Variants in VPS16 observed in about 807,000 individuals in gnomAD.
The protein encoded by VPS16 is VPS16 core subunit of CORVET and HOPS complexes, also known as vacuolar protein sorting-associated protein 16 homolog.
A neutral mutation model predicts 116.0 loss-of-function variants in VPS16; 82 were observed. The ratio of observed to expected loss-of-function variants is 0.71; its 90% confidence interval spans 0.59 to 0.85. VPS16 has a LOEUF of 0.85. Among genes scored for constraint, VPS16 ranks in the 40% least tolerant of loss-of-function variants. The pLI is 0.00. For synonymous variants in VPS16, 406 were observed against 420.7 expected, an observed-to-expected ratio of 0.96 and a Z score of 0.43; for missense variants, 928 against 1,090.6, an observed-to-expected ratio of 0.85 and a Z score of 2.10.
At chr20:2,847,721 C>T (rs2089075433) in intron 1 of VPS16, among the ~76,000 whole-genome samples, 1 of 152,102 alleles carries the variant, frequency 6.6e-6, no homozygotes. Flanking sequence ...TCATGATCCG[C>T]CTGTCTCGGC....
chr20:2,862,919 C>A lies in VPS16; in HGVS notation c.1316C>A (p.Pro439Gln). The change falls in exon 13 of 24, where the codon CCG becomes CAG. Residue 439 changes from proline (P) to glutamine (Q), a missense_variant. By Grantham distance (76) the Pro-to-Gln change is moderately conservative (BLOSUM62 -1). Transcript: ENST00000380445. ...GTTCGGGACTATCACATCGGGATCC[C>A]GCTCACCTATAGCCAGTATCCCTGT... is the stretch of plus-strand genomic sequence containing the variant. ...NAVRDYHIGIPLTYSQYKQLT... is the reference protein window; with the variant it reads ...NAVRDYHIGIQLTYSQYKQLT... The A allele has an allele frequency of 6.2e-7, 1 of 1,614,056 alleles. No individual in the cohort carries two copies. The highest frequency in any genetic ancestry group is 8.5e-7 in the Non-Finnish European group (1 of 1,179,996).
At position 2,845,901 on chromosome 20, in the gene VPS16, A is replaced by G. The variant is rs116659166; in HGVS notation, c.53+5074A>G. Among the ~76,000 whole-genome samples, 1,330 of 152,242 alleles carry G rather than the reference A, an allele frequency of 8.7e-3. 21 individuals carry two copies. The highest frequency in any genetic ancestry group is 0.031 in the African/African-American group (1,277 of 41,526). On this transcript the variant is annotated intron_variant, in intron 1 of 23. Coordinates refer to ENST00000380445, the MANE Select transcript of VPS16 (RefSeq NM_022575.4). ...TGACTGGCTTATTTCACTTAGCATA[A>G]TATCTTCAAGATTTATCCATGTTAT...
In VPS16 at chr20:2,859,756, G is replaced by A; in HGVS notation, c.91G>A (p.Glu31Lys). Residue 31 changes from glutamate to lysine, a missense_variant, in exon 2 of 24, where the codon GAG becomes AAG. Coordinates refer to ENST00000380445, the MANE Select transcript of VPS16 (RefSeq NM_022575.4). ...GTACAGCATGGACTGGGACCTGAAGGAGGAACTCAGGGATTGCCTGGTGGC... is the reference window on the plus strand; with the variant it reads ...GTACAGCATGGACTGGGACCTGAAGAAGGAACTCAGGGATTGCCTGGTGGC... Reference protein sequence around the residue: ...ELYSMDWDLKEELRDCLVAAA... With the variant: ...ELYSMDWDLKKELRDCLVAAA... 6.2e-7 allele frequency: 1 copy of A among 1,613,230 alleles called. No homozygotes were observed. Among genetic ancestry groups the A allele is most frequent in the Non-Finnish European group, 8.5e-7 (1 of 1,179,678 alleles).
intron 8 of VPS16, 97 bp from the exon 9 acceptor site, chr20:2,861,518 T>C: frequency 7.0e-7 from 1 of 1,437,168 alleles, no homozygotes; most frequent in Non-Finnish European, 9.4e-7. Context: ...GTGATGCAAG[T>C]GTATACAGGC....
At chr20:2,841,406 G>T (rs913503754) in intron 1 of VPS16, among the ~76,000 whole-genome samples, 2 of 152,288 alleles carry the variant, frequency 1.3e-5, no homozygotes, top group African/African-American at 4.8e-5. Context: ...GAAAAACTAC[G>T]AACTTCTCGT....
chr20:2,848,115 C>T (rs1286622139), intron 1 of VPS16, among the ~76,000 whole-genome samples: 1 of 152,194 alleles, frequency 6.6e-6, no homozygotes, highest in Admixed American at 6.5e-5. Flanking sequence ...ATGAGGTTCA[C>T]GTAGCAGGCA....
At chr20:2,859,664 C>T (rs937398917) in intron 1 of VPS16, 55 bp from the exon 2 acceptor site, 1 of 1,582,896 alleles carries the variant, frequency 6.3e-7, no homozygotes, top group Non-Finnish European at 8.7e-7. Context: ...CTGGGGTTCA[C>T]TCCATACGGA....
At chr20:2,857,752 C>G (rs368248611) in intron 1 of VPS16, among the ~76,000 whole-genome samples, 16 of 150,632 alleles carry the variant, frequency 1.1e-4, no homozygotes, top group African/African-American at 3.9e-4. Flanking sequence ...CTCTTGCTCC[C>G]CAGGCTGGAG....
At chr20:2,862,417 T>C in intron 11 of VPS16, 162 bp from the exon 12 acceptor site, 1 of 1,387,222 alleles carries the variant, frequency 7.2e-7, no homozygotes. Context: ...AGATGATGTC[T>C]GTGGGCACCT....
Position 2,864,310 on chromosome 20 carries a change from C to T in VPS16, c.1720+23C>T. The T allele has an allele frequency of 1.2e-6, 2 of 1,613,898 alleles. No individual in the cohort carries two copies. The highest frequency in any genetic ancestry group is 1.7e-6 in the Non-Finnish European group (2 of 1,179,924). Reference sequence around the variant, plus strand: ...TGGGTGAGGGCAAGGCTGGGGGGCCCCTGGGCTAAGTGGGAGCCTGGCTGG... The same window carrying T: ...TGGGTGAGGGCAAGGCTGGGGGGCCTCTGGGCTAAGTGGGAGCCTGGCTGG... On this transcript the variant is annotated intron_variant, in intron 17 of 23. Transcript: ENST00000380445. The surrounding 1 kb of genome is among the most constrained non-coding windows in gnomAD (Gnocchi z 5.2).
At chr20:2,861,303 T>TG (rs1179769428) in intron 8 of VPS16, 23 bp downstream of exon 8, 2 of 1,613,504 alleles carry the variant, frequency 1.2e-6, no homozygotes, top group African/African-American at 2.7e-5. Flanking sequence ...GTGTTATTGC[T>TG]GGGGGTGTGG....
Position 2,864,375 on chromosome 20 carries a change from G to A in VPS16, c.1731G>A (p.Val577=), listed in dbSNP as rs2146678356. ...ESGDTDLVFT[V]LLHLKNELNR... is the part of the protein sequence containing the mutation. The stretch of plus-strand genomic sequence containing the variant: ...CTTACTCTCCTGCAGTGTTCACGGT[G>A]TTGCTGCACCTGAAGAACGAGCTGA... Residue 577 remains valine (V), a synonymous_variant, in exon 18 of 24, where the codon GTG becomes GTA. Coordinates refer to ENST00000380445, the MANE Select transcript of VPS16 (RefSeq NM_022575.4). The surrounding 1 kb of genome is among the most constrained non-coding windows in gnomAD (Gnocchi z 5.2). 1 of 1,614,220 alleles carries A rather than the reference G, an allele frequency of 6.2e-7. No homozygotes were observed. The highest frequency in any genetic ancestry group is 1.1e-5 in the South Asian group (1 of 91,084).
Position 2,861,868 on chromosome 20 carries a change from C to T in VPS16, c.963C>T (p.Arg321=). The T allele has an allele frequency of 1.2e-6, 2 of 1,613,842 alleles. No individual in the cohort carries two copies. Among genetic ancestry groups the T allele is most frequent in the South Asian group, 2.2e-5 (2 of 90,936 alleles). The change falls in exon 10 of 24, where the codon CGC becomes CGT. Residue 321 remains arginine (R), a synonymous_variant. Coordinates refer to ENST00000380445, the MANE Select transcript of VPS16 (RefSeq NM_022575.4). ...TCGATGGGGTCCGCATCTTCTCCCG[C>T]AGCACCCACGAGTTCCTGCATGAGG... ...PELDGVRIFS[R]STHEFLHEVP...
intron 1 of VPS16, among the ~76,000 whole-genome samples, chr20:2,851,723 A>G (rs1223008112): frequency 6.6e-6 from 1 of 151,782 alleles, no homozygotes; most frequent in African/African-American, 2.4e-5. Context: ...TAATCCCAAC[A>G]CTTTGGGAAG....
rs371583102 is a variant in VPS16, at chr20:2,861,346, T to C, written c.809+66T>C. ...ATAGCTTGCTTCCTGGGACAATCAGTTCCTTGATTCGTCATGTCTACTGGC... is the reference window on the plus strand; with the variant it reads ...ATAGCTTGCTTCCTGGGACAATCAGCTCCTTGATTCGTCATGTCTACTGGC... On this transcript the variant is annotated intron_variant, in intron 8 of 23. Transcript: ENST00000380445. The C allele has an allele frequency of 1.1e-4, 182 of 1,607,238 alleles. 1 individual carries two copies. Among genetic ancestry groups the C allele is most frequent in the Non-Finnish European group, 1.5e-4 (181 of 1,175,246 alleles).
At chr20:2,857,269 G>A (rs920563948) in intron 1 of VPS16, among the ~76,000 whole-genome samples, 15 of 152,246 alleles carry the variant, frequency 9.9e-5, no homozygotes, top group African/African-American at 3.6e-4. Flanking sequence ...GAGCCACTGC[G>A]CCCAGCCCCC....
At chr20:2,849,673 A>G (rs1290611520) in intron 1 of VPS16, among the ~76,000 whole-genome samples, 1 of 152,080 alleles carries the variant, frequency 6.6e-6, no homozygotes, top group Non-Finnish European at 1.5e-5. Flanking sequence ...ACTCAAGCTG[A>G]GTGTTAACAG....
chr20:2,846,071 T>A (rs1398040194), intron 1 of VPS16, among the ~76,000 whole-genome samples: 1 of 151,830 alleles, frequency 6.6e-6, no homozygotes, highest in African/African-American at 2.4e-5. Context: ...CTGCTGTGAA[T>A]GTGGGTCTAC....
Position 2,858,667 on chromosome 20 carries a change from C to T in VPS16, c.54-1052C>T, listed in dbSNP as rs147863034. On this transcript the variant is annotated intron_variant, in intron 1 of 23. Transcript: ENST00000380445. ...GAATAGTGCCCATTCCTTCTTAGTC[C>T]CTTTTGCTACCCCTTTTCCCCCACT... Among the ~76,000 whole-genome samples, 11 of 152,072 alleles carry T rather than the reference C, an allele frequency of 7.2e-5. No homozygotes were observed. In the East Asian group the frequency reaches 2.1e-3, roughly 29 times the overall value.
Sources: allele counts gnomAD v4.1 joint callset (sites outside exome capture counted in the v4.1 genomes callset), GRCh38; gene constraint gnomAD v4.1.1; non-coding constraint Gnocchi (gnomAD v3.1); transcripts MANE v1.5; gene names NCBI Gene and HGNC (gene_info 2026-07-23, HGNC 2026-07-21).